PSMB2: variants seen among roughly 807,000 people sequenced by gnomAD.
PSMB2 encodes proteasome 20S subunit beta 2, also known as proteasome subunit beta type-2.
In PSMB2, 13 loss-of-function variants were observed where a neutral mutation model predicts 25.7. The ratio of observed to expected loss-of-function variants is 0.51; its 90% CI spans 0.33 to 0.80. PSMB2 has a LOEUF of 0.80. Ranked by LOEUF, PSMB2 falls within the 30% of genes least tolerant of loss-of-function variation. The pLI is 0.02. For synonymous variants in PSMB2, 87 were observed against 96.2 expected, an observed-to-expected ratio of 0.90 and a Z score of 0.56; for missense variants, 202 against 259.0, an observed-to-expected ratio of 0.78 and a Z score of 1.51.
chr1:35,602,881 T>A lies in PSMB2; in HGVS notation c.*386A>T. 7.4e-6 allele frequency: 7 copies of A among 948,106 alleles called. No homozygotes were observed. Among genetic ancestry groups the A allele is most frequent in the Non-Finnish European group, 8.8e-6 (7 of 791,642 alleles). The allele number at this position is 948,106 out of a possible 1,614,324, so 58.7% of individuals were successfully genotyped here. ...GTATTATTAATTCAGGTTAATTAAT[T>A]TAAAAATTTAAGTTTAAGGGCAAAA... On this transcript the variant is annotated 3_prime_UTR_variant, in exon 6 of 6. Coordinates refer to ENST00000373237, the MANE Select transcript of PSMB2 (RefSeq NM_002794.5).
intron 4 of PSMB2, among the ~76,000 whole-genome samples, 196 bp from the exon 5 acceptor site, chr1:35,605,478 C>T (rs1283404211): frequency 6.6e-6 from 1 of 152,360 alleles, no homozygotes; most frequent in East Asian, 1.9e-4. Flanking sequence ...ACCCAGTGCT[C>T]CAGCAGCTAT....
Position 35,600,533 on chromosome 1 carries a change from G to C in PSMB2, c.*2734C>G. 1 of 984,756 alleles carries C rather than the reference G, an allele frequency of 1.0e-6. No homozygotes were observed. Among genetic ancestry groups the C allele is most frequent in the African/African-American group, 1.7e-5 (1 of 57,312 alleles). The allele number at this position is 984,756 out of a possible 1,614,324, so 61.0% of individuals were successfully genotyped here. A position where few individuals can be genotyped will look rare whatever the true frequency, so the allele number is the denominator to read the frequency against. On this transcript the variant is annotated 3_prime_UTR_variant, in exon 6 of 6. Transcript: ENST00000373237. Reference sequence around the variant, plus strand: ...ATTTATTAAAAATAAATGATGCCTGGGTTTCTGACTTGGGCACTTGGGAAA... The same window carrying C: ...ATTTATTAAAAATAAATGATGCCTGCGTTTCTGACTTGGGCACTTGGGAAA...
In PSMB2 at chr1:35,601,317, C is replaced by T. The variant is rs1257041526; in HGVS notation, c.*1950G>A. Reference sequence around the variant, plus strand: ...AACTCCTGACCTCAGGTGATCCGCCCGCCTCGGCGGGCGGCCAAAGTGCTG... The same window carrying T: ...AACTCCTGACCTCAGGTGATCCGCCTGCCTCGGCGGGCGGCCAAAGTGCTG... On this transcript the variant is annotated 3_prime_UTR_variant, in exon 6 of 6. Coordinates refer to ENST00000373237, the MANE Select transcript of PSMB2 (RefSeq NM_002794.5). 7.4e-6 allele frequency: 7 copies of T among 943,866 alleles called. No individual in the cohort carries two copies. Among genetic ancestry groups the T allele is most frequent in the East Asian group, 1.2e-4 (1 of 8,556 alleles). The allele number at this position is 943,866 out of a possible 1,614,324, so 58.5% of individuals were successfully genotyped here.
Position 35,602,604 on chromosome 1 carries a change from T to G in PSMB2, c.*663A>C, listed in dbSNP as rs1650036100. Reference sequence around the variant, plus strand: ...CCTCTGCCTCCCGGGTTCGACCGATTCTCCTGTCTCAGCCTCCCCAGTAGC... The same window carrying G: ...CCTCTGCCTCCCGGGTTCGACCGATGCTCCTGTCTCAGCCTCCCCAGTAGC... On this transcript the variant is annotated 3_prime_UTR_variant, in exon 6 of 6. Coordinates refer to ENST00000373237, the MANE Select transcript of PSMB2 (RefSeq NM_002794.5). 6.6e-6 allele frequency: 1 copy of G among 152,406 alleles called. No homozygotes were observed. Among genetic ancestry groups the G allele is most frequent in the Non-Finnish European group, 1.5e-5 (1 of 68,260 alleles). The allele number at this position is 152,406 out of a possible 1,614,324, so 9.4% of individuals were successfully genotyped here.
chr1:35,600,593 T>C lies in PSMB2; in HGVS notation c.*2674A>G, dbSNP rs1368199537. On this transcript the variant is annotated 3_prime_UTR_variant, in exon 6 of 6. Transcript: ENST00000373237. ...TCTAATTCTCTAAGACAGAATGTCA[T>C]AGAGGCGGTTTGGAGAGGGGCAGAT... The C allele has an allele frequency of 9.1e-6, 9 of 985,308 alleles. No individual in the cohort carries two copies. In the Admixed American group the frequency reaches 1.8e-4, roughly 20 times the overall value. 61.0% of individuals were successfully genotyped at this position (985,308 alleles called of 1,614,324 possible).
At chr1:35,618,229 A>G (rs575569137) in intron 3 of PSMB2, among the ~76,000 whole-genome samples, 1 of 152,290 alleles carries the variant, frequency 6.6e-6, no homozygotes, top group East Asian at 1.9e-4. Flanking sequence ...ACAGTAGAAG[A>G]GGTGAGGGAG....
Position 35,610,930 on chromosome 1 carries a change from A to G in PSMB2, c.286-1522T>C, listed in dbSNP as rs558528389. Among the ~76,000 whole-genome samples the G allele has an allele frequency of 3.9e-4, 60 of 152,352 alleles. No individual in the cohort carries two copies. In the South Asian group the frequency reaches 4.3e-3, roughly 11 times the overall value. Reference sequence around the variant, plus strand: ...TTGTATTACCTGCAAATCTAAAAACATAAGTTTTATAGAGAACCATGACTG... The same window carrying G: ...TTGTATTACCTGCAAATCTAAAAACGTAAGTTTTATAGAGAACCATGACTG... On this transcript the variant is annotated intron_variant, in intron 3 of 5. Coordinates refer to ENST00000373237, the MANE Select transcript of PSMB2 (RefSeq NM_002794.5).
rs185205111 is a variant in PSMB2, at chr1:35,611,795, C to T, written c.286-2387G>A. On this transcript the variant is annotated intron_variant, in intron 3 of 5. Coordinates refer to ENST00000373237, the MANE Select transcript of PSMB2 (RefSeq NM_002794.5). ...GCCGAGATAGTGCTACTGCACCACT[C>T]CAGCCTGGGCAATAGAGCAAGACTC... is the stretch of plus-strand genomic sequence containing the variant. Among the ~76,000 whole-genome samples, 950 of 151,976 alleles carry T rather than the reference C, an allele frequency of 6.3e-3. 13 individuals carry two copies. The highest frequency in any genetic ancestry group is 0.019 in the African/African-American group (778 of 41,452).
At chr1:35,628,607 A>C (rs1427242707) in intron 3 of PSMB2, among the ~76,000 whole-genome samples, 23 of 23,622 alleles carry the variant, frequency 9.7e-4, no homozygotes, top group African/African-American at 2.7e-3. Context: ...ATATATATAT[A>C]TATATATATA....
At chr1:35,617,060 T>A (rs563610972) in intron 3 of PSMB2, among the ~76,000 whole-genome samples, 1 of 152,298 alleles carries the variant, frequency 6.6e-6, no homozygotes, top group South Asian at 2.1e-4. Flanking sequence ...ACCCTGACTT[T>A]TTTTTTGAGA....
At chr1:35,625,155 T>C (rs1650816102) in intron 3 of PSMB2, among the ~76,000 whole-genome samples, 1 of 152,214 alleles carries the variant, frequency 6.6e-6, no homozygotes, top group African/African-American at 2.4e-5. Flanking sequence ...TCAGGCTGGA[T>C]ATCTTTTCAA....
At chr1:35,614,561 C>A (rs1055141794) in intron 3 of PSMB2, among the ~76,000 whole-genome samples, 3 of 152,184 alleles carry the variant, frequency 2.0e-5, no homozygotes. Flanking sequence ...CTGCAACATA[C>A]AAGACTAGGC....
intron 2 of PSMB2, among the ~76,000 whole-genome samples, chr1:35,634,776 T>TG (rs1390476798): frequency 3.4e-5 from 5 of 148,860 alleles, no homozygotes; most frequent in African/African-American, 1.2e-4. Flanking sequence ...GGTGTTGGGT[T>TG]TTTTTTTTTT....
chr1:35,620,424 A>C (rs1444370896), intron 3 of PSMB2, among the ~76,000 whole-genome samples: 1 of 152,126 alleles, frequency 6.6e-6, no homozygotes, highest in African/African-American at 2.4e-5. Context: ...ACAGCCAACG[A>C]GCTAATGATC....
At chr1:35,616,382 C>T (rs75543263) in intron 3 of PSMB2, among the ~76,000 whole-genome samples, 2,491 of 152,326 alleles carry the variant, frequency 0.016, 60 homozygotes, top group African/African-American at 0.057. Context: ...TGACCAATAA[C>T]ATTTTAAGGA....
rs1320529633 is a variant in PSMB2, at chr1:35,601,083, T to C, written c.*2184A>G. 4.8e-6 allele frequency: 3 copies of C among 622,486 alleles called. No individual in the cohort carries two copies. Among genetic ancestry groups the C allele is most frequent in the South Asian group, 7.2e-5 (1 of 13,820 alleles). 38.6% of individuals were successfully genotyped at this position (622,486 alleles called of 1,614,324 possible). On this transcript the variant is annotated 3_prime_UTR_variant, in exon 6 of 6. Transcript: ENST00000373237. The stretch of plus-strand genomic sequence containing the variant: ...TTTTTTTTTTTTTTTTTTTTTTTTT[T>C]TGAGACAGAGTCTTGCTCTGTCAGC...
At chr1:35,618,104 A>G (rs1300739821) in intron 3 of PSMB2, among the ~76,000 whole-genome samples, 2 of 152,196 alleles carry the variant, frequency 1.3e-5, no homozygotes, top group Non-Finnish European at 2.9e-5. Flanking sequence ...GAGGATCTAC[A>G]ATAGTCTACT....
chr1:35,628,578 GAAAA>G (rs67766222), intron 3 of PSMB2, among the ~76,000 whole-genome samples: 102 of 32,928 alleles, frequency 3.1e-3, no homozygotes, highest in African/African-American at 5.1e-3. Flanking sequence ...TTTCTTGGAA[GAAAA>G]AAAAAAAAAA....
intron 1 of PSMB2, among the ~76,000 whole-genome samples, chr1:35,637,484 CCA>C (rs1176203497): frequency 1.3e-5 from 2 of 152,160 alleles, no homozygotes; most frequent in Non-Finnish European, 2.9e-5. Context: ...GAAGAAAACT[CCA>C]CATTCAGTCT....
Sources: allele counts gnomAD v4.1 joint callset (sites outside exome capture counted in the v4.1 genomes callset), GRCh38; gene constraint gnomAD v4.1.1; transcripts MANE v1.5; gene names NCBI Gene and HGNC (gene_info 2026-07-23, HGNC 2026-07-21).